SLCO3A1: variants seen among roughly 807,000 people sequenced by gnomAD.
The protein encoded by SLCO3A1 is solute carrier organic anion transporter family member 3A1, also known as PGE1 transporter.
Under a neutral mutation model 63.1 loss-of-function variants are expected in SLCO3A1, and 27 were observed. The observed-to-expected ratio is 0.43, with a 90% CI of 0.32 to 0.59. The LOEUF (loss-of-function observed/expected upper bound fraction) is 0.59. Ranked by LOEUF, SLCO3A1 falls within the 20% of genes least tolerant of loss-of-function variation. SLCO3A1 has a pLI of 0.09. For synonymous variants in SLCO3A1, 473 were observed against 409.9 expected (o/e 1.15, Z -1.86); for missense variants, 773 against 945.8 (o/e 0.82, Z 2.40).
At chr15:91,959,033 C>A (rs932494906) in intron 2 of SLCO3A1, among the ~76,000 whole-genome samples, 4 of 152,092 alleles carry the variant, frequency 2.6e-5, no homozygotes, top group African/African-American at 9.7e-5. Flanking sequence ...TGCCCCTCAA[C>A]CAAGGAGTGG....
chr15:91,884,791 A>G (rs1897681829), intron 1 of SLCO3A1, among the ~76,000 whole-genome samples: 1 of 151,708 alleles, frequency 6.6e-6, no homozygotes, highest in African/African-American at 2.4e-5. Context: ...TGGATTACGC[A>G]TTTTTTTGTA....
At chr15:92,113,877 G>A (rs1246994552) in intron 4 of SLCO3A1, among the ~76,000 whole-genome samples, 1 of 152,246 alleles carries the variant, frequency 6.6e-6, no homozygotes, top group Non-Finnish European at 1.5e-5. Context: ...CATAGGCCAG[G>A]AGTTTGAGTC....
In SLCO3A1 at chr15:91,885,937, T is replaced by C. The variant is rs1299790739; in HGVS notation, c.181-30056T>C. Among the ~76,000 whole-genome samples the C allele has an allele frequency of 6.6e-6, 1 of 151,982 alleles. No homozygotes were observed. The highest frequency in any genetic ancestry group is 1.9e-4 in the East Asian group (1 of 5,172). ...TGGGGTTGAAATATGCTTGATGTGGTCGGGGAGTGGAAAGACCAGTGTGTC... is the reference window on the plus strand; with the variant it reads ...TGGGGTTGAAATATGCTTGATGTGGCCGGGGAGTGGAAAGACCAGTGTGTC... On this transcript the variant is annotated intron_variant, in intron 1 of 9. Transcript: ENST00000318445. The surrounding 1 kb of genome is among the most constrained non-coding windows in gnomAD (Gnocchi z 4.7).
chr15:91,933,928 A>C (rs771053053), intron 2 of SLCO3A1, among the ~76,000 whole-genome samples: 3 of 152,184 alleles, frequency 2.0e-5, no homozygotes, highest in Admixed American at 6.5e-5. Context: ...GTTATGTTAA[A>C]GATCTGAATA....
intron 2 of SLCO3A1, among the ~76,000 whole-genome samples, chr15:91,994,879 T>C (rs1166681069): frequency 2.6e-5 from 4 of 152,218 alleles, no homozygotes; most frequent in Non-Finnish European, 5.9e-5. Context: ...CTTGCCTGGA[T>C]GCTGCTGCTG....
At position 92,087,015 on chromosome 15, in the gene SLCO3A1, C is replaced by G. The variant is rs1262954918; in HGVS notation, c.647-7866C>G. On this transcript the variant is annotated intron_variant, in intron 2 of 9. Coordinates refer to ENST00000318445, the MANE Select transcript of SLCO3A1 (RefSeq NM_013272.4). ...AAAAAAAAGGAATATTTCTCTACCC[C>G]CAACATCATGAAGGTACTTTACTCT... 1.0e-3 allele frequency among the ~76,000 whole-genome samples: 159 copies of G among 152,052 alleles called. 2 individuals carry two copies. The highest frequency in any genetic ancestry group is 1.8e-4 in the Non-Finnish European group (12 of 67,974).
intron 2 of SLCO3A1, among the ~76,000 whole-genome samples, chr15:92,035,184 G>A (rs777778800): frequency 6.6e-6 from 1 of 151,776 alleles, no homozygotes; most frequent in Non-Finnish European, 1.5e-5. Context: ...ATTTTTCCAG[G>A]TGGCCTCATG....
chr15:92,143,417 ATTAT>A lies in SLCO3A1; in HGVS notation c.1513-3566_1513-3563del, dbSNP rs1383714502. ...ATTATATAATATATATAATATATATATTATATATATATAATATATATAATATATA... is the reference window on the plus strand; with the variant it reads ...ATTATATAATATATATAATATATATAATATATATAATATATATAATATATA... On this transcript the variant is annotated intron_variant, in intron 7 of 9. Coordinates refer to ENST00000318445, the MANE Select transcript of SLCO3A1 (RefSeq NM_013272.4). Among the ~76,000 whole-genome samples, 13 of 3,862 alleles carry A rather than the reference ATTAT, an allele frequency of 3.4e-3. 4 individuals carry two copies. Among genetic ancestry groups the A allele is most frequent in the Admixed American group, 0.021 (3 of 146 alleles). 2.5% of individuals were successfully genotyped at this position (3,862 alleles called of 152,430 possible).
rs1898132013 is a variant in SLCO3A1 at position 91,900,707 on chromosome 15, A to G, written c.181-15286A>G. On this transcript the variant is annotated intron_variant, in intron 1 of 9. Coordinates refer to ENST00000318445, the MANE Select transcript of SLCO3A1 (RefSeq NM_013272.4). This position sits in a 1 kb window ranked among gnomAD's most constrained non-coding sequence, Gnocchi z 4.3. ...GTGACATTTTATTTGCATTTCCCTA[A>G]AGACTAATAATGCTAAGCATCTTTT... Among the ~76,000 whole-genome samples the G allele has an allele frequency of 6.6e-6, 1 of 152,166 alleles. No individual in the cohort carries two copies. Among genetic ancestry groups the G allele is most frequent in the Non-Finnish European group, 1.5e-5 (1 of 68,016 alleles).
chr15:92,146,152 T>C (rs1273227951), intron 7 of SLCO3A1, among the ~76,000 whole-genome samples: 2 of 152,178 alleles, frequency 1.3e-5, no homozygotes, highest in East Asian at 3.8e-4. Context: ...CTCTGCACTA[T>C]TATTATGGAA....
intron 2 of SLCO3A1, among the ~76,000 whole-genome samples, chr15:91,946,637 G>A (rs1287366188): frequency 2.6e-5 from 4 of 152,192 alleles, no homozygotes; most frequent in Admixed American, 6.5e-5. Flanking sequence ...CGTAGTATGG[G>A]TTGAGTGTGC....
intron 2 of SLCO3A1, among the ~76,000 whole-genome samples, chr15:92,068,325 C>T (rs2047175817): frequency 6.6e-6 from 1 of 151,816 alleles, no homozygotes; most frequent in African/African-American, 2.4e-5. Context: ...TTCCCCCACC[C>T]CCACCTTACT....
chr15:92,040,209 T>TA (rs1175535414), intron 2 of SLCO3A1, among the ~76,000 whole-genome samples: 1 of 152,044 alleles, frequency 6.6e-6, no homozygotes, highest in East Asian at 1.9e-4. Context: ...GAACTCAAAG[T>TA]AAAAAATTAA....
At chr15:92,071,928 A>G (rs1034907035) in intron 2 of SLCO3A1, among the ~76,000 whole-genome samples, 1 of 152,234 alleles carries the variant, frequency 6.6e-6, no homozygotes, top group Non-Finnish European at 1.5e-5. Context: ...AACTTGCACT[A>G]GAACCTAAGG....
rs58884056 is a variant in SLCO3A1 at position 92,016,204 on chromosome 15, T to TATAGATACATAGATAG, written c.647-78670_647-78669insCATAGATAGATAGATA. 2.1e-3 allele frequency among the ~76,000 whole-genome samples: 251 copies of TATAGATACATAGATAG among 120,194 alleles called. 2 individuals are homozygous for TATAGATACATAGATAG. The highest frequency in any genetic ancestry group is 6.0e-3 in the Admixed American group (69 of 11,516). The allele number at this position is 120,194 out of a possible 152,430, so 78.9% of individuals were successfully genotyped here. On this transcript the variant is annotated intron_variant, in intron 2 of 9. Coordinates refer to ENST00000318445, the MANE Select transcript of SLCO3A1 (RefSeq NM_013272.4). Reference sequence around the variant, plus strand: ...TGCAGATTTGTTGTATATATATTTATATAGATAGATAGATAGATAGATAGA... The same window carrying TATAGATACATAGATAG: ...TGCAGATTTGTTGTATATATATTTATATAGATACATAGATAGATAGATAGATAGATAGATAGATAGA...
intron 8 of SLCO3A1, chr15:92,149,474 C>A (rs2048275348): frequency 6.6e-6 from 1 of 152,328 alleles, no homozygotes; most frequent in Non-Finnish European, 1.5e-5. Context: ...CAAACAGGAC[C>A]ATCCCAACAA....
intron 2 of SLCO3A1, among the ~76,000 whole-genome samples, chr15:91,999,974 G>A (rs2151451909): frequency 6.6e-6 from 1 of 152,318 alleles, no homozygotes; most frequent in East Asian, 1.9e-4. Context: ...CCATCAGGAA[G>A]AGAGTAGATT....
intron 9 of SLCO3A1, among the ~76,000 whole-genome samples, chr15:92,152,829 C>T (rs181726807): frequency 3.9e-5 from 6 of 152,340 alleles, no homozygotes; most frequent in South Asian, 2.1e-4. Context: ...TCTGCCATTA[C>T]GAGTCCTCTG....
At chr15:91,909,142 C>T (rs1184769819) in intron 1 of SLCO3A1, among the ~76,000 whole-genome samples, 2 of 152,202 alleles carry the variant, frequency 1.3e-5, no homozygotes, top group African/African-American at 4.8e-5. Flanking sequence ...TTTTCTGTTA[C>T]AGCAACAGGA....
Sources: allele counts gnomAD v4.1 joint callset (sites outside exome capture counted in the v4.1 genomes callset), GRCh38; gene constraint gnomAD v4.1.1; non-coding constraint Gnocchi (gnomAD v3.1); transcripts MANE v1.5; gene names NCBI Gene and HGNC (gene_info 2026-07-23, HGNC 2026-07-21).